Variants in TET3 observed in about 807,000 individuals in gnomAD.
The protein encoded by TET3 is tet methylcytosine dioxygenase 3, also known as methylcytosine dioxygenase TET3.
A neutral mutation model predicts 141.4 loss-of-function variants in TET3; 19 were observed. That is an observed-to-expected ratio of 0.13 (90% CI 0.09 to 0.20). The LOEUF is 0.20. TET3 is among the 10% of genes least tolerant of loss of function. The pLI is 1.00. For missense variants in TET3, 1,874 were observed against 2,356.9 expected, an observed-to-expected ratio of 0.80 and a Z score of 4.24; for synonymous variants, 1,043 against 980.9, an observed-to-expected ratio of 1.06 and a Z score of -1.18.
At chr2:74,023,660 G>A (rs1686183371) in intron 3 of TET3, among the ~76,000 whole-genome samples, 2 of 152,216 alleles carry the variant, frequency 1.3e-5, no homozygotes, top group African/African-American at 4.8e-5. Context: ...CTTCCAGACA[G>A]TGGCTCCCAG....
chr2:74,064,562 T>C (rs941390764), intron 4 of TET3, among the ~76,000 whole-genome samples: 1 of 152,096 alleles, frequency 6.6e-6, no homozygotes, highest in Non-Finnish European at 1.5e-5. Context: ...CCACCACGCC[T>C]GCCTAATTTT....
At chr2:74,073,101 G>A (rs937232896) in intron 4 of TET3, among the ~76,000 whole-genome samples, 1 of 152,178 alleles carries the variant, frequency 6.6e-6, no homozygotes, top group Non-Finnish European at 1.5e-5. Flanking sequence ...GTTTGATTGG[G>A]TATTTACCCA....
chr2:74,091,767 C>T (rs550143685), intron 8 of TET3, among the ~76,000 whole-genome samples: 9 of 152,312 alleles, frequency 5.9e-5, no homozygotes, highest in South Asian at 2.1e-4. Context: ...TGCCTGTGCT[C>T]GTGGTGTCCT....
the TET3 span, chr2:74,121,273 C>T: frequency 6.6e-5 from 10 of 152,120 alleles, no homozygotes; most frequent in Admixed American, 2.6e-4. Context: ...TTTTACCATC[C>T]TAATAGTTCC....
intron 5 of TET3, among the ~76,000 whole-genome samples, chr2:74,079,312 T>C (rs796331765): frequency 1.8e-4 from 27 of 152,214 alleles, no homozygotes; most frequent in African/African-American, 6.3e-4. Flanking sequence ...CACCACTGCA[T>C]TCCAGCCTGG....
At chr2:74,084,238 G>T (rs1689989112) in intron 6 of TET3, among the ~76,000 whole-genome samples, 2 of 152,184 alleles carry the variant, frequency 1.3e-5, no homozygotes, top group African/African-American at 4.8e-5. Context: ...GCTACAACAT[G>T]GTTAGGACAT....
chr2:73,991,298 C>G (rs977667468), intron 2 of TET3, among the ~76,000 whole-genome samples: 20 of 151,832 alleles, frequency 1.3e-4, no homozygotes, highest in African/African-American at 4.8e-4. Context: ...AAAAAGCAAA[C>G]TCTGGCCGGG....
chr2:74,038,394 G>A (rs928632239), intron 3 of TET3, among the ~76,000 whole-genome samples: 5 of 152,174 alleles, frequency 3.3e-5, no homozygotes, highest in Non-Finnish European at 7.3e-5. Context: ...ACCTAGCCTG[G>A]GATGGGCATA....
the TET3 span, among the ~76,000 whole-genome samples, chr2:74,119,606 T>C: frequency 6.6e-6 from 1 of 152,220 alleles, no homozygotes; most frequent in African/African-American, 2.4e-5. Flanking sequence ...CTCCATTGCC[T>C]GAAAAATTTC....
the TET3 span, among the ~76,000 whole-genome samples, chr2:74,118,001 C>T: frequency 6.6e-6 from 1 of 152,204 alleles, no homozygotes; most frequent in Non-Finnish European, 1.5e-5. Flanking sequence ...ACCTCAGTCT[C>T]CCAAAGTGCT....
chr2:74,086,788 C>T (rs983667071), intron 6 of TET3, among the ~76,000 whole-genome samples: 18 of 95,462 alleles, frequency 1.9e-4, no homozygotes, highest in African/African-American at 7.3e-4. Flanking sequence ...AAGACCCTGA[C>T]TCTAAAAAAA....
the TET3 span, among the ~76,000 whole-genome samples, chr2:74,133,985 C>T: frequency 1.3e-5 from 2 of 151,418 alleles, no homozygotes; most frequent in South Asian, 2.1e-4. Flanking sequence ...CCTTGTGATC[C>T]CCCCCCCTCG....
chr2:74,051,524 C>A (rs1687943573), intron 4 of TET3, among the ~76,000 whole-genome samples: 1 of 152,098 alleles, frequency 6.6e-6, no homozygotes, highest in Admixed American at 6.5e-5. Context: ...TTGTATAACC[C>A]AGAAATATTT....
At chr2:73,990,664 T>C (rs370762939) in intron 2 of TET3, among the ~76,000 whole-genome samples, 3 of 152,158 alleles carry the variant, frequency 2.0e-5, no homozygotes, top group African/African-American at 4.8e-5. Context: ...TGGAAAGATA[T>C]ATGTGATGAG....
intron 8 of TET3, among the ~76,000 whole-genome samples, chr2:74,092,121 C>T (rs1223056681): frequency 1.3e-5 from 2 of 152,090 alleles, no homozygotes; most frequent in South Asian, 2.1e-4. Context: ...CTGGCCAACA[C>T]GGCAAAACCC....
chr2:74,097,268 C>A (rs1159528866), intron 10 of TET3, among the ~76,000 whole-genome samples: 1 of 149,986 alleles, frequency 6.7e-6, no homozygotes, highest in Non-Finnish European at 1.5e-5. Context: ...TAAACACTAA[C>A]AATGACTAAT....
At chr2:74,035,542 C>T (rs1687003775) in intron 3 of TET3, among the ~76,000 whole-genome samples, 1 of 150,700 alleles carries the variant, frequency 6.6e-6, no homozygotes, top group Non-Finnish European at 1.5e-5. Context: ...GCTTGACCAA[C>T]ATGGTGAAAC....
At chr2:74,005,108 C>T (rs1685084004) in intron 3 of TET3, among the ~76,000 whole-genome samples, 1 of 152,220 alleles carries the variant, frequency 6.6e-6, no homozygotes, top group African/African-American at 2.4e-5. Flanking sequence ...CCCTGGCAGA[C>T]CCGCTTCTCT....
In TET3 at chr2:74,102,578, T is replaced by G. The variant is rs1031304502; in HGVS notation, c.*402T>G. The G allele has an allele frequency of 3.9e-5, 6 of 154,024 alleles. No individual in the cohort carries two copies. The highest frequency in any genetic ancestry group is 1.4e-4 in the African/African-American group (6 of 41,536). 9.5% of individuals were successfully genotyped at this position (154,024 alleles called of 1,614,324 possible). On this transcript the variant is annotated 3_prime_UTR_variant, in exon 12 of 12. Transcript: ENST00000409262. The stretch of plus-strand genomic sequence containing the variant: ...ACAAAGGAGTAGTTTTAAATTCCAT[T>G]TAAAATGTGTATTTATTGGATTTTT...
Sources: gnomAD v4.1 joint callset for allele counts (sites outside exome capture counted in the v4.1 genomes callset) on GRCh38, gnomAD v4.1.1 for gene constraint, MANE v1.5 for transcripts, NCBI Gene and HGNC (gene_info 2026-07-23, HGNC 2026-07-21) for gene names.